SPATA6: variants seen among roughly 807,000 people sequenced by gnomAD.
SPATA6 encodes spermatogenesis-associated protein 6.
SPATA6 carries 56 observed loss-of-function variants against 65.3 expected under a neutral mutation model. That is an observed-to-expected ratio of 0.86 (90% CI 0.69 to 1.07). SPATA6 has a LOEUF of 1.07. SPATA6 is among the 50% of genes least tolerant of loss of function. The pLI is 0.00. For synonymous variants in SPATA6, 199 were observed against 213.2 expected (o/e 0.93, Z 0.58); for missense variants, 590 against 594.8 (o/e 0.99, Z 0.08).
intron 7 of SPATA6, among the ~76,000 whole-genome samples, chr1:48,396,148 A>G (rs1255842312): frequency 2.6e-5 from 4 of 151,844 alleles, no homozygotes; most frequent in African/African-American, 9.7e-5. Flanking sequence ...AATCAAAATC[A>G]TAGTGAGATA....
At chr1:48,302,340 G>A (rs929248229) in intron 12 of SPATA6, among the ~76,000 whole-genome samples, 1 of 152,120 alleles carries the variant, frequency 6.6e-6, no homozygotes, top group African/African-American at 2.4e-5. Context: ...TAACCAACAG[G>A]TATTTTTTCA....
chr1:48,319,713 C>T (rs2148697578), intron 11 of SPATA6, among the ~76,000 whole-genome samples: 1 of 152,308 alleles, frequency 6.6e-6, no homozygotes, highest in East Asian at 1.9e-4. Flanking sequence ...CCTGTTGACC[C>T]TGCACCCCTG....
chr1:48,378,876 G>C (rs1428497955), intron 9 of SPATA6, among the ~76,000 whole-genome samples: 2 of 152,112 alleles, frequency 1.3e-5, no homozygotes, highest in South Asian at 2.1e-4. Flanking sequence ...AGAAAATGTA[G>C]TATATGCACA....
At chr1:48,382,107 A>G (rs1648703979) in intron 9 of SPATA6, among the ~76,000 whole-genome samples, 1 of 89,668 alleles carries the variant, frequency 1.1e-5, no homozygotes, top group Non-Finnish European at 2.2e-5. Context: ...GTCTACTTCT[A>G]TCCACACAGA....
At chr1:48,401,333 A>T (rs1651141521) in intron 6 of SPATA6, among the ~76,000 whole-genome samples, 1 of 152,082 alleles carries the variant, frequency 6.6e-6, no homozygotes, top group Non-Finnish European at 1.5e-5. Flanking sequence ...CCTCATCTTT[A>T]TTAAAGCTTT....
At chr1:48,266,320 G>A in the SPATA6 span, among the ~76,000 whole-genome samples, 2 of 152,082 alleles carry the variant, frequency 1.3e-5, no homozygotes, top group Non-Finnish European at 2.9e-5. Flanking sequence ...AAGTTCTATA[G>A]ACTATTTATG....
At chr1:48,304,710 G>T (rs949288098) in intron 12 of SPATA6, among the ~76,000 whole-genome samples, 19 of 152,010 alleles carry the variant, frequency 1.2e-4, no homozygotes, top group Non-Finnish European at 2.5e-4. Flanking sequence ...ATCTATGGGG[G>T]TAAAAAGTGG....
At chr1:48,336,258 A>G (rs113809596) in intron 11 of SPATA6, among the ~76,000 whole-genome samples, 3,603 of 152,168 alleles carry the variant, frequency 0.024, 39 homozygotes, top group South Asian at 0.06. Flanking sequence ...CTACCATTCA[A>G]CCCAGCAATC....
At chr1:48,436,742 G>T (rs1654976501) in intron 3 of SPATA6, 2 of 1,614,194 alleles carry the variant, frequency 1.2e-6, no homozygotes, top group Non-Finnish European at 1.7e-6. Flanking sequence ...ATTACAGCAT[G>T]TGAATTAGCC....
Position 48,296,820 on chromosome 1 carries a change from T to C in SPATA6, c.*1893A>G, listed in dbSNP as rs1399295722. The stretch of plus-strand genomic sequence containing the variant: ...GACATTGGCAGGTAGTGTGAGGAGC[T>C]AGGGGAATGGGGGGTGGTGGCAAGA... On this transcript the variant is annotated 3_prime_UTR_variant, in exon 13 of 13. Coordinates refer to ENST00000371847, the MANE Select transcript of SPATA6 (RefSeq NM_019073.4). 4 of 152,034 alleles carry C rather than the reference T, an allele frequency of 2.6e-5. No homozygotes were observed. Among genetic ancestry groups the C allele is most frequent in the African/African-American group, 4.8e-5 (2 of 41,390 alleles). The allele number at this position is 152,034 out of a possible 1,614,324, so 9.4% of individuals were successfully genotyped here.
At chr1:48,365,355 T>C (rs948741106) in intron 9 of SPATA6, among the ~76,000 whole-genome samples, 1 of 152,188 alleles carries the variant, frequency 6.6e-6, no homozygotes, top group African/African-American at 2.4e-5. Context: ...AGCAGCTTGA[T>C]GGGGGTGGCA....
At chr1:48,439,491 C>T (rs72895189) in intron 3 of SPATA6, among the ~76,000 whole-genome samples, 3,746 of 151,982 alleles carry the variant, frequency 0.025, 99 homozygotes, top group African/African-American at 0.067. Context: ...ATTTCTGCTG[C>T]TGCATCAGTG....
intron 9 of SPATA6, among the ~76,000 whole-genome samples, chr1:48,384,568 C>T (rs1248704068): frequency 6.6e-6 from 1 of 151,824 alleles, no homozygotes; most frequent in Non-Finnish European, 1.5e-5. Context: ...ATAATGGTAC[C>T]CAAAATGATT....
At chr1:48,434,673 G>A (rs922048214) in intron 3 of SPATA6, among the ~76,000 whole-genome samples, 2 of 152,086 alleles carry the variant, frequency 1.3e-5, no homozygotes, top group Non-Finnish European at 2.9e-5. Flanking sequence ...TATAGTGAGA[G>A]AACATCTGTG....
chr1:48,273,023 T>A, the SPATA6 span, among the ~76,000 whole-genome samples: 2 of 152,334 alleles, frequency 1.3e-5, no homozygotes, highest in South Asian at 4.1e-4. Context: ...TAACCCCTTA[T>A]TGAATATACG....
chr1:48,436,602 T>C (rs1654960362), intron 3 of SPATA6: 3 of 1,613,770 alleles, frequency 1.9e-6, no homozygotes, highest in Non-Finnish European at 2.5e-6. Context: ...TGGTTAAGCA[T>C]GGACAGAGGC....
At chr1:48,443,578 G>A (rs1294944684) in intron 3 of SPATA6, among the ~76,000 whole-genome samples, 3 of 152,308 alleles carry the variant, frequency 2.0e-5, no homozygotes, top group East Asian at 1.9e-4. Flanking sequence ...AAACTGCCAA[G>A]GCCTAGACCT....
intron 11 of SPATA6, among the ~76,000 whole-genome samples, chr1:48,353,791 T>C (rs1646580455): frequency 6.6e-6 from 1 of 151,984 alleles, no homozygotes; most frequent in African/African-American, 2.4e-5. Flanking sequence ...ATGGTTCATA[T>C]ATTTAAATGT....
At chr1:48,450,578 C>T (rs1656473182) in intron 3 of SPATA6, among the ~76,000 whole-genome samples, 1 of 152,112 alleles carries the variant, frequency 6.6e-6, no homozygotes, top group South Asian at 2.1e-4. Context: ...TATCCATTAG[C>T]ACCACACTGC....
Sources: gnomAD v4.1 joint callset for allele counts (sites outside exome capture counted in the v4.1 genomes callset) on GRCh38, gnomAD v4.1.1 for gene constraint, MANE v1.5 for transcripts, NCBI Gene and HGNC (gene_info 2026-07-23, HGNC 2026-07-21) for gene names.